RFC3: variants seen among roughly 807,000 people sequenced by gnomAD.
RFC3 encodes A1 38 kDa subunit.
Under a neutral mutation model 45.1 loss-of-function variants are expected in RFC3, and 41 were observed. That is an observed-to-expected ratio of 0.91 (90% CI 0.71 to 1.18). The LOEUF (loss-of-function observed/expected upper bound fraction) is 1.18. Among genes scored for constraint, RFC3 ranks in the 50% most tolerant of loss-of-function variants. RFC3 has a pLI of 0.00. For synonymous variants in RFC3, 149 were observed against 144.0 expected (o/e 1.03, Z -0.25); for missense variants, 423 against 428.1 (o/e 0.99, Z 0.10).
intron 8 of RFC3, among the ~76,000 whole-genome samples, chr13:33,886,626 T>C (rs2082525945): frequency 1.3e-5 from 2 of 151,770 alleles, no homozygotes; most frequent in Admixed American, 1.3e-4. Flanking sequence ...AAGCATCCTT[T>C]TTTTTTTCAA....
chr13:33,906,581 A>G (rs899418491), intron 8 of RFC3, among the ~76,000 whole-genome samples: 1 of 152,178 alleles, frequency 6.6e-6, no homozygotes, highest in East Asian at 1.9e-4. Context: ...TCATTTGCAT[A>G]TATTCCCTTT....
chr13:33,963,531 TAGTG>T (rs2083069904), intron 8 of RFC3, among the ~76,000 whole-genome samples: 1 of 152,212 alleles, frequency 6.6e-6, no homozygotes, highest in Non-Finnish European at 1.5e-5. Context: ...AAGGCTGTGT[TAGTG>T]AGAGCAAAAC....
chr13:33,959,099 C>T (rs2083040341), intron 8 of RFC3, among the ~76,000 whole-genome samples: 1 of 152,172 alleles, frequency 6.6e-6, no homozygotes, highest in Non-Finnish European at 1.5e-5. Context: ...GCTCAGGGAC[C>T]TAGAGATCCA....
chr13:33,870,473 C>G (rs1244873676), intron 8 of RFC3, among the ~76,000 whole-genome samples: 1 of 152,134 alleles, frequency 6.6e-6, no homozygotes, highest in East Asian at 1.9e-4. Context: ...CCACCTGGAG[C>G]AAAAACAGAA....
intron 8 of RFC3, among the ~76,000 whole-genome samples, chr13:33,870,702 T>C (rs1164399594): frequency 6.6e-6 from 1 of 152,208 alleles, no homozygotes; most frequent in African/African-American, 2.4e-5. Context: ...GGTCTTTCTC[T>C]AAAATAAACC....
At chr13:33,946,565 A>C (rs1416298210) in intron 8 of RFC3, among the ~76,000 whole-genome samples, 1 of 152,234 alleles carries the variant, frequency 6.6e-6, no homozygotes, top group Non-Finnish European at 1.5e-5. Context: ...ACTTTTAAGC[A>C]TATAACTTTT....
rs2082160738 is a variant in RFC3, at chr13:33,836,957, G to A, written c.*662G>A. ...AAGTTCTGGAGAAAGGTATGTTACT[G>A]TAGTAATTACTCTTTGAACAGGTTT... On this transcript the variant is annotated 3_prime_UTR_variant, in exon 9 of 9. Coordinates refer to ENST00000380071, the MANE Select transcript of RFC3 (RefSeq NM_002915.4). 11 of 978,204 alleles carry A rather than the reference G, an allele frequency of 1.1e-5. No individual in the cohort carries two copies. Among genetic ancestry groups the A allele is most frequent in the Non-Finnish European group, 1.3e-5 (11 of 828,670 alleles). The allele number at this position is 978,204 out of a possible 1,614,324, so 60.6% of individuals were successfully genotyped here.
At chr13:33,931,397 A>G (rs1167977517) in intron 8 of RFC3, among the ~76,000 whole-genome samples, 3 of 152,088 alleles carry the variant, frequency 2.0e-5, no homozygotes, top group African/African-American at 4.8e-5. Flanking sequence ...TCTGGTGTGG[A>G]TACCGTGATG....
At chr13:33,894,831 G>A (rs2082586887) in intron 8 of RFC3, among the ~76,000 whole-genome samples, 1 of 152,072 alleles carries the variant, frequency 6.6e-6, no homozygotes, top group Admixed American at 6.6e-5. Context: ...GAATAGAATA[G>A]AGAACCAAGA....
intron 8 of RFC3, among the ~76,000 whole-genome samples, chr13:33,887,857 T>G (rs2137622254): frequency 6.6e-6 from 1 of 152,158 alleles, no homozygotes; most frequent in South Asian, 2.1e-4. Context: ...GGCTAGCCAG[T>G]TTTCCCAGCA....
intron 8 of RFC3, among the ~76,000 whole-genome samples, chr13:33,896,204 T>C (rs1240166342): frequency 4.0e-5 from 6 of 151,338 alleles, no homozygotes; most frequent in Admixed American, 3.9e-4. Context: ...TAAAAAAGGA[T>C]TGATTGCAAA....
intron 8 of RFC3, among the ~76,000 whole-genome samples, chr13:33,946,433 GC>G (rs2082954953): frequency 6.6e-6 from 1 of 152,036 alleles, no homozygotes; most frequent in Non-Finnish European, 1.5e-5. Context: ...ACTCCCAAGA[GC>G]TTTTGTTAAT....
intron 8 of RFC3, among the ~76,000 whole-genome samples, chr13:33,934,393 A>G (rs2082872924): frequency 6.6e-6 from 1 of 152,114 alleles, no homozygotes. Flanking sequence ...AGGGCACATG[A>G]TGAGACAGTA....
At position 33,891,980 on chromosome 13, in the gene RFC3, A is replaced by G. The variant is rs540665217; in HGVS notation, c.879+56763A>G. On this transcript the variant is annotated intron_variant, in intron 8 of 8. Transcript: ENST00000434425. ...TATAGCAGGACAATTCAACCAGGAA[A>G]AAAAACAGATTAGATATAATTTAAT... 5.9e-5 allele frequency among the ~76,000 whole-genome samples: 9 copies of G among 151,974 alleles called. No homozygotes were observed. The South Asian group carries it at 8.3e-4, about 14-fold the overall frequency.
intron 8 of RFC3, among the ~76,000 whole-genome samples, chr13:33,870,400 CAAT>C (rs780168047): frequency 5.9e-5 from 9 of 152,190 alleles, no homozygotes; most frequent in East Asian, 3.9e-4. Context: ...CATGACATCT[CAAT>C]GATGGCAAAA....
chr13:33,880,092 G>A (rs77411568), intron 8 of RFC3, among the ~76,000 whole-genome samples: 279 of 152,218 alleles, frequency 1.8e-3, no homozygotes, highest in African/African-American at 6.2e-3. Flanking sequence ...ACTTGATTCC[G>A]TCTGCTGCCT....
At position 33,818,200 on chromosome 13, in the gene RFC3, T is replaced by C; in HGVS notation, c.22T>C (p.Tyr8His). The change falls in exon 1 of 9, where the codon TAT becomes CAT. Residue 8 changes from tyrosine to histidine, a missense_variant. By Grantham distance (83) the Tyr-to-His change is moderately conservative. Coordinates refer to ENST00000380071, the MANE Select transcript of RFC3 (RefSeq NM_002915.4). Reference protein sequence around the residue: MSLWVDKYRPCSLGRLDY... With the variant: MSLWVDKHRPCSLGRLDY... ...TGCCATGAGCCTCTGGGTGGACAAGTATCGGCCCTGCTCCTTGGGACGGCT... is the reference window on the plus strand; with the variant it reads ...TGCCATGAGCCTCTGGGTGGACAAGCATCGGCCCTGCTCCTTGGGACGGCT... 1.2e-6 allele frequency: 2 copies of C among 1,613,516 alleles called. No individual in the cohort carries two copies. The highest frequency in any genetic ancestry group is 2.2e-5 in the East Asian group (1 of 44,864).
At chr13:33,871,843 G>T (rs925855783) in intron 8 of RFC3, among the ~76,000 whole-genome samples, 1 of 152,040 alleles carries the variant, frequency 6.6e-6, no homozygotes, top group South Asian at 2.1e-4. Flanking sequence ...CAGAAGGGCC[G>T]GTATCCCCAC....
intron 8 of RFC3, among the ~76,000 whole-genome samples, chr13:33,870,002 C>G (rs1032333472): frequency 8.5e-5 from 13 of 152,148 alleles, no homozygotes; most frequent in Admixed American, 7.9e-4. Context: ...ACAAAGGGAA[C>G]GAGCAATCCT....
Sources: gnomAD v4.1 joint callset for allele counts (sites outside exome capture counted in the v4.1 genomes callset) on GRCh38, gnomAD v4.1.1 for gene constraint, MANE v1.5 for transcripts, NCBI Gene and HGNC (gene_info 2026-07-23, HGNC 2026-07-21) for gene names.